Variants in PSD3 observed in about 807,000 individuals in gnomAD.
PSD3 encodes PH and SEC7 domain-containing protein 3.
PSD3 carries 49 observed loss-of-function variants against 105.5 expected under a neutral mutation model. The observed-to-expected ratio is 0.46, with a 90% CI of 0.37 to 0.59. PSD3 has a LOEUF of 0.59. PSD3 is among the 20% of genes least tolerant of loss of function. PSD3 has a pLI of 0.00. For synonymous variants in PSD3, 557 were observed against 457.8 expected (o/e 1.22, Z -2.77); for missense variants, 1,561 against 1,263.8 (o/e 1.24, Z -3.57).
Position 18,608,146 on chromosome 8 carries a change from G to A in PSD3, c.2411-7712C>T, listed in dbSNP as rs796303383. On this transcript the variant is annotated intron_variant, in intron 11 of 15. Coordinates refer to ENST00000327040, the MANE Select transcript of PSD3 (RefSeq NM_015310.4). ...GAAGTAGGAGGACTGTTTCAGTCCA[G>A]GAGGTTGAGGCTGCAGTGAGCCATG... 6.6e-5 allele frequency among the ~76,000 whole-genome samples: 10 copies of A among 152,294 alleles called. 1 individual carries two copies. Among genetic ancestry groups the A allele is most frequent in the African/African-American group, 2.4e-4 (10 of 41,572 alleles).
At chr8:18,813,509 G>T (rs190827045) in intron 4 of PSD3, among the ~76,000 whole-genome samples, 169 of 152,318 alleles carry the variant, frequency 1.1e-3, no homozygotes, top group Non-Finnish European at 9.7e-4. Flanking sequence ...GTGCGCCAAA[G>T]AAATATGTCT....
intron 8 of PSD3, among the ~76,000 whole-genome samples, chr8:18,798,637 T>C (rs1810399229): frequency 6.6e-6 from 1 of 152,162 alleles, no homozygotes; most frequent in Admixed American, 6.5e-5. Flanking sequence ...ACAATCAGAA[T>C]TCGTTAAATA....
rs149223336 is a variant in PSD3 at position 18,800,702 on chromosome 8, T to C, written c.2023+568A>G. 4.4e-3 allele frequency among the ~76,000 whole-genome samples: 673 copies of C among 152,304 alleles called. 23 individuals carry two copies. Among genetic ancestry groups the C allele is most frequent in the Admixed American group, 0.038 (582 of 15,292 alleles). Reference sequence around the variant, plus strand: ...GTGTAATATGCATAACCTCATAGTTTATTAAAATCATCAACAAAAGTTTGT... The same window carrying C: ...GTGTAATATGCATAACCTCATAGTTCATTAAAATCATCAACAAAAGTTTGT... On this transcript the variant is annotated intron_variant, in intron 7 of 15. Transcript: ENST00000327040.
chr8:18,802,554 A>G (rs1220976471), intron 6 of PSD3, among the ~76,000 whole-genome samples: 1 of 152,210 alleles, frequency 6.6e-6, no homozygotes, highest in Non-Finnish European at 1.5e-5. Flanking sequence ...AATGCAAGGC[A>G]AAAATACAGA....
chr8:18,694,971 A>G (rs891681648), intron 9 of PSD3, among the ~76,000 whole-genome samples: 7 of 152,220 alleles, frequency 4.6e-5, no homozygotes, highest in Non-Finnish European at 1.0e-4. Flanking sequence ...ACATTTTTAT[A>G]TAAGAAGGAA....
At chr8:18,919,607 C>T (rs754023079) in intron 2 of PSD3, among the ~76,000 whole-genome samples, 1 of 151,922 alleles carries the variant, frequency 6.6e-6, no homozygotes, top group Non-Finnish European at 1.5e-5. Flanking sequence ...GGCCAGGATC[C>T]CCAGAAACTG....
At chr8:18,928,072 A>G (rs1164923111) in intron 2 of PSD3, among the ~76,000 whole-genome samples, 1 of 152,190 alleles carries the variant, frequency 6.6e-6, no homozygotes, top group African/African-American at 2.4e-5. Context: ...CATTACTCAC[A>G]CAAGCCAAAA....
At position 18,867,815 on chromosome 8, in the gene PSD3, CCT is replaced by C. The variant is rs1817052920; in HGVS notation, c.1491_1492del (p.Gly499ArgfsTer20). ...ACTCAGGATATCCTGATGTCCTCCCCCTGATGTCCTCTCCAAGAACTGACCAC... is the reference window on the plus strand; with the variant it reads ...ACTCAGGATATCCTGATGTCCTCCCCGATGTCCTCTCCAAGAACTGACCAC... On this transcript the variant is annotated frameshift_variant, in exon 4 of 16. Transcript: ENST00000327040. LOFTEE classifies it high-confidence loss of function. 3 of 1,614,032 alleles carry C rather than the reference CCT, an allele frequency of 1.9e-6. No homozygotes were observed. Among genetic ancestry groups the C allele is most frequent in the Admixed American group, 3.3e-5 (2 of 60,006 alleles).
At chr8:18,751,091 G>C (rs1441875549) in intron 9 of PSD3, among the ~76,000 whole-genome samples, 1 of 152,142 alleles carries the variant, frequency 6.6e-6, no homozygotes, top group African/African-American at 2.4e-5. Context: ...CGTGCAGCAG[G>C]GGGCGGTGCT....
chr8:18,731,144 T>C (rs1336461304), intron 9 of PSD3, among the ~76,000 whole-genome samples: 1 of 152,010 alleles, frequency 6.6e-6, no homozygotes, highest in Non-Finnish European at 1.5e-5. Flanking sequence ...AAATCCCAGC[T>C]ACTCGGGAGC....
chr8:18,546,625 A>G (rs1029697608), intron 15 of PSD3, among the ~76,000 whole-genome samples: 1 of 152,190 alleles, frequency 6.6e-6, no homozygotes, highest in African/African-American at 2.4e-5. Context: ...TCATCTATTT[A>G]TTCATTATGT....
chr8:18,877,010 A>G (rs1343753599), intron 2 of PSD3, among the ~76,000 whole-genome samples: 3 of 151,962 alleles, frequency 2.0e-5, no homozygotes, highest in Non-Finnish European at 2.9e-5. Flanking sequence ...TGGCTGAATT[A>G]TTTGTCTTTT....
chr8:18,981,122 A>G (rs1341265938), intron 1 of PSD3, among the ~76,000 whole-genome samples: 4 of 152,190 alleles, frequency 2.6e-5, no homozygotes, highest in Non-Finnish European at 5.9e-5. Context: ...AAAACAGTCA[A>G]TGACTGCTGG....
rs141947670 is a variant in PSD3 at position 18,584,539 on chromosome 8, A to G, written c.2482-9254T>C. 7.2e-3 allele frequency among the ~76,000 whole-genome samples: 1,098 copies of G among 152,344 alleles called. 10 individuals carry two copies. Among genetic ancestry groups the G allele is most frequent in the African/African-American group, 0.025 (1,021 of 41,574 alleles). ...AAAATGGGAACAGTATCCTTCTATG[A>G]GATTGTGAAGCTCAGATGGAAGAAG... On this transcript the variant is annotated intron_variant, in intron 12 of 15. Coordinates refer to ENST00000327040, the MANE Select transcript of PSD3 (RefSeq NM_015310.4).
intron 1 of PSD3, among the ~76,000 whole-genome samples, chr8:18,949,244 AATATATATATATAT>A (rs1215845074): frequency 0.022 from 316 of 14,396 alleles, 24 homozygotes; most frequent in Non-Finnish European, 0.038. Flanking sequence ...AAAAAAAAAA[AATATATATATATAT>A]ATATATATAT....
intron 4 of PSD3, among the ~76,000 whole-genome samples, chr8:18,837,036 T>C (rs1448706366): frequency 1.3e-5 from 2 of 151,728 alleles, no homozygotes. Context: ...GGCTTTTAAC[T>C]AAATATCCAG....
chr8:18,752,637 TATATA>T (rs1256257560), intron 9 of PSD3, among the ~76,000 whole-genome samples: 22 of 89,198 alleles, frequency 2.5e-4, no homozygotes, highest in Non-Finnish European at 3.3e-4. Context: ...ATATATAATA[TATATA>T]ATATATATAA....
At chr8:18,733,541 CA>C (rs1402047485) in intron 9 of PSD3, 4 of 152,620 alleles carry the variant, frequency 2.6e-5, no homozygotes, top group Non-Finnish European at 5.9e-5. Context: ...GTTTGCCCAG[CA>C]AAGTGGAGAT....
At chr8:18,958,643 T>C (rs1033475068) in intron 1 of PSD3, among the ~76,000 whole-genome samples, 2 of 152,202 alleles carry the variant, frequency 1.3e-5, no homozygotes, top group African/African-American at 4.8e-5. Context: ...CAAGCTGTTT[T>C]AATTTTAGAA....
Sources: allele counts gnomAD v4.1 joint callset (sites outside exome capture counted in the v4.1 genomes callset), GRCh38; gene constraint gnomAD v4.1.1; transcripts MANE v1.5; gene names NCBI Gene and HGNC (gene_info 2026-07-23, HGNC 2026-07-21).